CREM: variants seen among roughly 807,000 people sequenced by gnomAD.
The protein encoded by CREM is cAMP responsive element modulator.
In CREM, 13 loss-of-function variants were observed where a neutral mutation model predicts 37.3. The observed-to-expected ratio is 0.35, with a 90% CI of 0.23 to 0.55. The LOEUF is 0.55. Ranked by LOEUF, CREM falls within the 20% of genes least tolerant of loss-of-function variation. CREM has a pLI of 0.88. For missense variants in CREM, 296 were observed against 362.3 expected, an observed-to-expected ratio of 0.82 and a Z score of 1.49; for synonymous variants, 124 against 120.2, an observed-to-expected ratio of 1.03 and a Z score of -0.21.
At chr10:35,210,303 A>G (rs2095637203) in intron 7 of CREM, 1 of 152,124 alleles carries the variant, frequency 6.6e-6, no homozygotes, top group Non-Finnish European at 1.5e-5. Flanking sequence ...GAGTTAAGGG[A>G]AGTGGTTGCC....
chr10:35,198,814 G>A (rs375515430), intron 6 of CREM, among the ~76,000 whole-genome samples: 1 of 152,210 alleles, frequency 6.6e-6, no homozygotes, highest in African/African-American at 2.4e-5. Context: ...TGTGAAAGGA[G>A]GCTATTAGCA....
chr10:35,140,341 A>G (rs1262248557), intron 2 of CREM, among the ~76,000 whole-genome samples: 2 of 152,150 alleles, frequency 1.3e-5, no homozygotes, highest in Non-Finnish European at 2.9e-5. Flanking sequence ...ATGTTGTCCA[A>G]ACTGTAATTC....
intron 3 of CREM, among the ~76,000 whole-genome samples, chr10:35,173,465 TG>T (rs1189880273): frequency 1.7e-4 from 26 of 152,216 alleles, no homozygotes; most frequent in African/African-American, 6.0e-4. Flanking sequence ...TTTGTAAAAA[TG>T]TAAAACAGTG....
intron 6 of CREM, among the ~76,000 whole-genome samples, chr10:35,204,930 TG>T (rs1222489114): frequency 2.0e-5 from 3 of 152,234 alleles, no homozygotes; most frequent in African/African-American, 7.2e-5. Context: ...TCTTATTCAT[TG>T]GGTATAATAC....
intron 6 of CREM, among the ~76,000 whole-genome samples, chr10:35,197,364 T>TA (rs1327447903): frequency 3.3e-5 from 5 of 151,918 alleles, no homozygotes; most frequent in Admixed American, 6.5e-5. Context: ...TGGTCATTTC[T>TA]TACAGAATCA....
At chr10:35,209,012 A>G (rs1331268398) in intron 7 of CREM, among the ~76,000 whole-genome samples, 1 of 152,206 alleles carries the variant, frequency 6.6e-6, no homozygotes, top group Non-Finnish European at 1.5e-5. Flanking sequence ...GATGAGGACC[A>G]GAAGTTCAGA....
At chr10:35,196,895 G>T (rs12247825) in intron 6 of CREM, among the ~76,000 whole-genome samples, 1 of 139,360 alleles carries the variant, frequency 7.2e-6, no homozygotes, top group Non-Finnish European at 1.5e-5. Context: ...TTTGAGACGG[G>T]GTCTCGCTCT....
chr10:35,156,740 T>C (rs1472969347), intron 3 of CREM, among the ~76,000 whole-genome samples: 2 of 152,220 alleles, frequency 1.3e-5, no homozygotes, highest in East Asian at 3.8e-4. Context: ...AAAACTGTAG[T>C]GGTTTTCTTA....
intron 1 of CREM, chr10:35,135,441 A>T (rs868865715): frequency 6.6e-6 from 1 of 152,168 alleles, no homozygotes; most frequent in Non-Finnish European, 1.5e-5. Context: ...TCGGTAGTAT[A>T]TAAGTGTTAC....
intron 7 of CREM, among the ~76,000 whole-genome samples, chr10:35,208,148 T>C (rs1230398936): frequency 6.6e-6 from 1 of 152,174 alleles, no homozygotes; most frequent in African/African-American, 2.4e-5. Context: ...TAACTTTTTT[T>C]CCTCTATTAC....
At chr10:35,199,381 T>C (rs1447789430) in intron 6 of CREM, among the ~76,000 whole-genome samples, 1 of 152,252 alleles carries the variant, frequency 6.6e-6, no homozygotes, top group Non-Finnish European at 1.5e-5. Flanking sequence ...TTGCCCTGTT[T>C]ATATGAATAT....
At chr10:35,205,223 G>T in intron 6 of CREM, among the ~76,000 whole-genome samples, 1 of 152,186 alleles carries the variant, frequency 6.6e-6, no homozygotes, top group East Asian at 1.9e-4. Context: ...ATATAAATTA[G>T]GAAACTTTGA....
chr10:35,184,391 A>G (rs1272461234), intron 5 of CREM, among the ~76,000 whole-genome samples: 2 of 152,198 alleles, frequency 1.3e-5, no homozygotes, highest in South Asian at 2.1e-4. Context: ...TTTTCTCCTC[A>G]AATCTCTGAA....
Position 35,156,405 on chromosome 10 carries a change from A to G in CREM, c.168+7914A>G, listed in dbSNP as rs192581980. Among the ~76,000 whole-genome samples the G allele has an allele frequency of 9.0e-3, 1,373 of 152,156 alleles. 8 individuals are homozygous for G. The highest frequency in any genetic ancestry group is 0.016 in the Non-Finnish European group (1,117 of 67,996). On this transcript the variant is annotated intron_variant, in intron 3 of 7. Transcript: ENST00000685392. ...ACTAGAACTACAGGTGCATACTGCC[A>G]TGCCTGGCTAACTTGTAAGTTTTTT...
rs141008333 is a variant in CREM, at chr10:35,138,745, C to T, written c.44+866C>T. The stretch of plus-strand genomic sequence containing the variant: ...TTACTAAAAAAAATTTTTTTTAGGC[C>T]GGGTGCAGTGGCTTAATCTGTAATC... On this transcript the variant is annotated intron_variant, in intron 2 of 7. Coordinates refer to ENST00000685392, the MANE Select transcript of CREM (RefSeq NM_183011.2). Among the ~76,000 whole-genome samples the T allele has an allele frequency of 2.5e-4, 38 of 150,808 alleles. No individual in the cohort carries two copies. The East Asian group carries it at 4.9e-3, about 19-fold the overall frequency.
Position 35,148,658 on chromosome 10 carries a change from A to G in CREM, c.168+167A>G. The G allele has an allele frequency of 5.4e-6, 4 of 742,588 alleles. No homozygotes were observed. The South Asian group carries it at 6.3e-5, about 12-fold the overall frequency. The allele number at this position is 742,588 out of a possible 1,614,324, so 46.0% of individuals were successfully genotyped here. A position where few individuals can be genotyped will look rare whatever the true frequency, so the allele number is the denominator to read the frequency against. ...AGATACGTGTTGTAATTAGCCTTGC[A>G]TTTTAACAGACATTCAGCAGTGCCC... On this transcript the variant is annotated intron_variant, in intron 3 of 7. Coordinates refer to ENST00000685392, the MANE Select transcript of CREM (RefSeq NM_183011.2).
intron 3 of CREM, among the ~76,000 whole-genome samples, chr10:35,149,106 A>G (rs923005985): frequency 6.6e-6 from 1 of 152,228 alleles, no homozygotes; most frequent in Non-Finnish European, 1.5e-5. Flanking sequence ...GGGTAGACAG[A>G]TATTTTAGCA....
intron 6 of CREM, among the ~76,000 whole-genome samples, chr10:35,193,396 A>G (rs1358731041): frequency 6.6e-6 from 1 of 151,950 alleles, no homozygotes; most frequent in Non-Finnish European, 1.5e-5. Flanking sequence ...ACCAATATTT[A>G]TTGAGCATCT....
intron 3 of CREM, among the ~76,000 whole-genome samples, chr10:35,156,344 G>T (rs1448154797): frequency 1.3e-5 from 2 of 151,966 alleles, no homozygotes; most frequent in African/African-American, 4.8e-5. Flanking sequence ...AGTCTCCTGG[G>T]CTCAAGTGAT....
Sources: allele counts gnomAD v4.1 joint callset (sites outside exome capture counted in the v4.1 genomes callset), GRCh38; gene constraint gnomAD v4.1.1; transcripts MANE v1.5; gene names NCBI Gene and HGNC (gene_info 2026-07-23, HGNC 2026-07-21).